The following DPP10 variants were observed in gnomAD, a reference collection of about 807,000 sequenced individuals.
The protein encoded by DPP10 is dipeptidyl peptidase like 10, also known as inactive dipeptidyl peptidase 10.
A neutral mutation model predicts 120.9 loss-of-function variants in DPP10; 33 were observed. The observed-to-expected ratio is 0.27, with a 90% CI of 0.21 to 0.37. The LOEUF (loss-of-function observed/expected upper bound fraction) is 0.37, where lower values mean the gene tolerates loss of function less well. Among genes scored for constraint, DPP10 ranks in the 10% least tolerant of loss-of-function variants. The pLI is 1.00. For synonymous variants in DPP10, 337 were observed against 326.1 expected (o/e 1.03, Z -0.36); for missense variants, 816 against 942.8 (o/e 0.87, Z 1.76).
intron 1 of DPP10, among the ~76,000 whole-genome samples, chr2:114,624,756 G>A (rs965491974): frequency 2.6e-5 from 4 of 151,696 alleles, no homozygotes; most frequent in East Asian, 3.9e-4. Flanking sequence ...CATCAGGCTT[G>A]GTTACACTCA....
intron 1 of DPP10, among the ~76,000 whole-genome samples, chr2:114,463,223 G>A (rs1679076375): frequency 6.6e-6 from 1 of 152,070 alleles, no homozygotes; most frequent in Non-Finnish European, 1.5e-5. Context: ...CCATCCATCT[G>A]TGTCCATATT....
At chr2:115,155,250 A>G (rs1016976055) in intron 1 of DPP10, among the ~76,000 whole-genome samples, 18 of 152,162 alleles carry the variant, frequency 1.2e-4, no homozygotes, top group Admixed American at 1.3e-4. Flanking sequence ...AAGGCATTCA[A>G]TTGTGCAGTG....
chr2:115,059,875 T>A (rs1031604929), intron 1 of DPP10, among the ~76,000 whole-genome samples: 1 of 152,120 alleles, frequency 6.6e-6, no homozygotes. Flanking sequence ...TTTCTTTTAT[T>A]TGCAACAGAA....
intron 1 of DPP10, among the ~76,000 whole-genome samples, chr2:114,937,319 T>G (rs1696560844): frequency 6.6e-6 from 1 of 152,180 alleles, no homozygotes; most frequent in Admixed American, 6.5e-5. Context: ...TTGCCAATCA[T>G]CTCAGCACTA....
intron 1 of DPP10, among the ~76,000 whole-genome samples, chr2:114,458,599 C>G (rs566022316): frequency 6.6e-6 from 1 of 152,194 alleles, no homozygotes; most frequent in Non-Finnish European, 1.5e-5. Context: ...CATATTCCAG[C>G]TTGCCGCTTT....
chr2:115,311,492 G>A (rs372851887), intron 2 of DPP10, among the ~76,000 whole-genome samples: 197 of 152,144 alleles, frequency 1.3e-3, no homozygotes, highest in African/African-American at 3.9e-3. Context: ...TATGACAAAC[G>A]GAAAGGGACA....
At chr2:115,632,236 C>A (rs1189031025) in intron 5 of DPP10, among the ~76,000 whole-genome samples, 2 of 152,072 alleles carry the variant, frequency 1.3e-5, no homozygotes, top group Non-Finnish European at 2.9e-5. Context: ...GATTGCAACC[C>A]TTGCTATATT....
intron 2 of DPP10, among the ~76,000 whole-genome samples, chr2:115,336,138 A>G (rs1346706108): frequency 1.3e-5 from 2 of 152,114 alleles, no homozygotes; most frequent in Non-Finnish European, 2.9e-5. Flanking sequence ...TTGAATGCTG[A>G]AGAACTTTCT....
At chr2:115,623,349 TTAGTGAGCGA>T (rs2085117426) in intron 5 of DPP10, among the ~76,000 whole-genome samples, 1 of 152,192 alleles carries the variant, frequency 6.6e-6, no homozygotes, top group African/African-American at 2.4e-5. Context: ...GTCAGGATGT[TTAGTGAGCGA>T]TACAGGAGTA....
intron 1 of DPP10, among the ~76,000 whole-genome samples, chr2:114,516,175 G>A (rs1684582726): frequency 6.6e-6 from 1 of 152,180 alleles, no homozygotes; most frequent in Admixed American, 6.5e-5. Flanking sequence ...AACTGTTCTA[G>A]AAAGAGAGTC....
At chr2:115,161,708 G>A in intron 1 of DPP10, 1 of 386,302 alleles carries the variant, frequency 2.6e-6, no homozygotes, top group Non-Finnish European at 4.6e-6. Flanking sequence ...GGCTCGCTGC[G>A]CTTTGGGTGG....
chr2:114,753,637 C>A (rs887351750), intron 1 of DPP10, among the ~76,000 whole-genome samples: 1 of 152,100 alleles, frequency 6.6e-6, no homozygotes, highest in East Asian at 1.9e-4. Flanking sequence ...GGGCTGGGCG[C>A]GGTGGCTCAC....
intron 1 of DPP10, among the ~76,000 whole-genome samples, chr2:114,511,265 T>C (rs931775914): frequency 6.6e-6 from 1 of 152,266 alleles, no homozygotes; most frequent in African/African-American, 2.4e-5. Context: ...AATATTCTTT[T>C]GTGCAGAGAG....
chr2:114,540,441 C>A (rs557642375), intron 1 of DPP10, among the ~76,000 whole-genome samples: 1 of 152,042 alleles, frequency 6.6e-6, no homozygotes, highest in Non-Finnish European at 1.5e-5. Context: ...ATAAGCTTGA[C>A]GAAGTTAGCA....
intron 13 of DPP10, among the ~76,000 whole-genome samples, chr2:115,771,570 T>C (rs1681478013): frequency 6.6e-6 from 1 of 152,230 alleles, no homozygotes; most frequent in Non-Finnish European, 1.5e-5. Flanking sequence ...TTTTGATGTG[T>C]AATGCCAAAT....
intron 1 of DPP10, among the ~76,000 whole-genome samples, chr2:115,272,599 T>C (rs368028918): frequency 8.5e-5 from 13 of 152,380 alleles, no homozygotes; most frequent in Admixed American, 5.2e-4. Flanking sequence ...CAAGTTAGAT[T>C]GTGGAAATAG....
chr2:115,242,444 A>C lies in DPP10; in HGVS notation c.61-66795A>C, dbSNP rs75104781. Reference sequence around the variant, plus strand: ...ATTTGGGCTCGTTCCATATTTCTGCAATTGCAAATTGTGCTGCTATAAGCA... The same window carrying C: ...ATTTGGGCTCGTTCCATATTTCTGCCATTGCAAATTGTGCTGCTATAAGCA... On this transcript the variant is annotated intron_variant, in intron 1 of 25. Transcript: ENST00000410059. 5.1e-3 allele frequency among the ~76,000 whole-genome samples: 781 copies of C among 152,234 alleles called. 7 individuals are homozygous for C. The highest frequency in any genetic ancestry group is 0.018 in the African/African-American group (755 of 41,536).
chr2:115,506,188 C>T (rs1243525258), intron 4 of DPP10, among the ~76,000 whole-genome samples: 1 of 152,076 alleles, frequency 6.6e-6, no homozygotes, highest in Non-Finnish European at 1.5e-5. Context: ...AAAACTTCTG[C>T]AGCCCTTCCA....
At chr2:114,962,955 T>G (rs1698756023) in intron 1 of DPP10, among the ~76,000 whole-genome samples, 2 of 152,238 alleles carry the variant, frequency 1.3e-5, no homozygotes, top group Non-Finnish European at 2.9e-5. Flanking sequence ...TGAGAATAAT[T>G]ACTTTAAGTC....
Sources: gnomAD v4.1 joint callset for allele counts (sites outside exome capture counted in the v4.1 genomes callset) on GRCh38, gnomAD v4.1.1 for gene constraint, MANE v1.5 for transcripts, NCBI Gene and HGNC (gene_info 2026-07-23, HGNC 2026-07-21) for gene names.